Variants in ERCC3 observed in about 807,000 individuals in gnomAD.
The protein encoded by ERCC3 is ERCC excision repair 3, TFIIH core complex helicase subunit.
A neutral mutation model predicts 94.2 loss-of-function variants in ERCC3; 66 were observed. The ratio of observed to expected loss-of-function variants is 0.70; its 90% CI spans 0.57 to 0.86. ERCC3 has a LOEUF of 0.86. ERCC3 is among the 40% of genes least tolerant of loss of function. The pLI, the probability that ERCC3 is intolerant of heterozygous loss-of-function variation, is 0.00. For missense variants in ERCC3, 829 were observed against 987.1 expected (o/e 0.84, Z 2.15); for synonymous variants, 349 against 369.1 (o/e 0.95, Z 0.63).
Position 127,259,112 on chromosome 2 carries a change from A to G in ERCC3, c.2217+184T>C, listed in dbSNP as rs1175505863. On this transcript the variant is annotated intron_variant, in intron 14 of 14. Coordinates refer to ENST00000285398, the MANE Select transcript of ERCC3 (RefSeq NM_000122.2). This position sits in a 1 kb window ranked among gnomAD's most constrained non-coding sequence, Gnocchi z 4.9. The stretch of plus-strand genomic sequence containing the variant: ...CACTGTGAGCTCAGCTGTGTGCAAC[A>G]GTACAAGGGGCACACACCAAAAGGG... 6.6e-6 allele frequency among the ~76,000 whole-genome samples: 1 copy of G among 152,224 alleles called. No individual in the cohort carries two copies. Among genetic ancestry groups the G allele is most frequent in the Non-Finnish European group, 1.5e-5 (1 of 68,030 alleles).
chr2:127,274,955 T>C lies in ERCC3; in HGVS notation c.1731-1994A>G, dbSNP rs1684687815. ...GGACCCAGTACACATTGGGTGGCAG[T>C]AGCTCCATGTGACCGAAGTACAAAA... On this transcript the variant is annotated intron_variant, in intron 10 of 14. Transcript: ENST00000285398. This position sits in a 1 kb window ranked among gnomAD's most constrained non-coding sequence, Gnocchi z 4.0. Among the ~76,000 whole-genome samples the C allele has an allele frequency of 6.6e-6, 1 of 152,178 alleles. No individual in the cohort carries two copies. The highest frequency in any genetic ancestry group is 2.1e-4 in the South Asian group (1 of 4,826).
rs1684656767 is a variant in ERCC3, at chr2:127,274,109, T to C, written c.1731-1148A>G. 6.7e-6 allele frequency among the ~76,000 whole-genome samples: 1 copy of C among 149,406 alleles called. No individual in the cohort carries two copies. Among genetic ancestry groups the C allele is most frequent in the Non-Finnish European group, 1.5e-5 (1 of 67,616 alleles). On this transcript the variant is annotated intron_variant, in intron 10 of 14. Coordinates refer to ENST00000285398, the MANE Select transcript of ERCC3 (RefSeq NM_000122.2). The surrounding 1 kb of genome is among the most constrained non-coding windows in gnomAD (Gnocchi z 4.0). ...TGGGTGGATCACCTGAGGCCAGGAG[T>C]TCGAGACCAGCCTGGCCAACATGGT...
intron 3 of ERCC3, 33 bp from the exon 4 acceptor site, chr2:127,290,306 G>A: frequency 1.3e-6 from 2 of 1,564,214 alleles, no homozygotes; most frequent in Non-Finnish European, 1.8e-6. Context: ...ACAGGTAAAT[G>A]TGCAGCTAAC....
Position 127,289,399 on chromosome 2 carries a change from G to A in ERCC3, c.760C>T (p.Gln254Ter), listed in dbSNP as rs755764533. Residue 254 changes from glutamine (Q) to a stop codon, truncating the protein, a stop_gained, in exon 6 of 15, where the codon CAA (glutamine) becomes TAA (stop). Coordinates refer to ENST00000285398, the MANE Select transcript of ERCC3 (RefSeq NM_000122.2). LOFTEE classifies it high-confidence loss of function. The stretch of plus-strand genomic sequence containing the variant: ...TCTTCTTCTTCATCCTTGTCCATTT[G>A]CTCATAGAAGTCAAACAGGTCCATG... ...IPMDLFDFYE[Q>*]MDKDEEEEEE... The A allele has an allele frequency of 2.7e-5, 44 of 1,613,390 alleles. No homozygotes were observed. Among genetic ancestry groups the A allele is most frequent in the Non-Finnish European group, 3.6e-5 (43 of 1,179,980 alleles).
Position 127,259,047 on chromosome 2 carries a change from AC to A in ERCC3, c.2217+248del, listed in dbSNP as rs1684106852. Among the ~76,000 whole-genome samples the A allele has an allele frequency of 6.6e-6, 1 of 152,104 alleles. No individual in the cohort carries two copies. The highest frequency in any genetic ancestry group is 1.5e-5 in the Non-Finnish European group (1 of 68,026). The stretch of plus-strand genomic sequence containing the variant: ...TCCTGGGCTTCAACATCAAGATTTA[AC>A]AAATACTCGTGTGAGCAAAGCAGGA... On this transcript the variant is annotated intron_variant, in intron 14 of 14. Transcript: ENST00000285398. This position sits in a 1 kb window ranked among gnomAD's most constrained non-coding sequence, Gnocchi z 4.9.
intron 12 of ERCC3, among the ~76,000 whole-genome samples, chr2:127,263,976 C>T (rs1405710834): frequency 6.6e-6 from 1 of 152,092 alleles, no homozygotes; most frequent in Admixed American, 6.6e-5. Flanking sequence ...TCCCAAAGTG[C>T]TCGGATTACA....
intron 12 of ERCC3, among the ~76,000 whole-genome samples, chr2:127,269,036 C>A (rs1052958815): frequency 6.6e-6 from 1 of 152,090 alleles, no homozygotes; most frequent in Non-Finnish European, 1.5e-5. Context: ...CATGAATATG[C>A]CGCACAAAGC....
chr2:127,267,243 C>T (rs1303521119), intron 12 of ERCC3, among the ~76,000 whole-genome samples: 2 of 152,166 alleles, frequency 1.3e-5, no homozygotes, highest in African/African-American at 4.8e-5. Flanking sequence ...CTTTTCCTAG[C>T]TCTAAAAGTA....
chr2:127,287,124 A>C, intron 7 of ERCC3, 107 bp from the exon 8 acceptor site: 1 of 836,904 alleles, frequency 1.2e-6, no homozygotes, highest in Non-Finnish European at 1.9e-6. Context: ...GTCTTGTAAC[A>C]GTCCACATAG....
intron 4 of ERCC3, 96 bp downstream of exon 4, chr2:127,290,128 C>A: frequency 4.9e-6 from 5 of 1,020,584 alleles, no homozygotes; most frequent in Non-Finnish European, 7.8e-6. Flanking sequence ...ACAGAAAAGA[C>A]AGCATAAACA....
At chr2:127,263,051 G>A (rs996823221) in intron 12 of ERCC3, among the ~76,000 whole-genome samples, 1 of 152,186 alleles carries the variant, frequency 6.6e-6, no homozygotes, top group Non-Finnish European at 1.5e-5. Context: ...TGCTGTTTTG[G>A]TTACTGTAAG....
intron 2 of ERCC3, 129 bp downstream of exon 2, chr2:127,293,384 G>A: frequency 3.4e-6 from 3 of 877,774 alleles, no homozygotes; most frequent in Non-Finnish European, 3.6e-6. Context: ...AACGTGTGTG[G>A]ATGAAAATTC....
At chr2:127,278,238 C>CA (rs11339591) in intron 10 of ERCC3, among the ~76,000 whole-genome samples, 2,372 of 135,436 alleles carry the variant, frequency 0.018, 67 homozygotes, top group African/African-American at 0.061. Flanking sequence ...ACCCTAACTC[C>CA]AAAAAAAAAA....
Position 127,287,003 on chromosome 2 carries a change from G to C in ERCC3, c.1042C>G (p.Leu348Val). 1.9e-6 allele frequency: 3 copies of C among 1,612,516 alleles called. No homozygotes were observed. The highest frequency in any genetic ancestry group is 2.5e-6 in the Non-Finnish European group (3 of 1,179,958). The change falls in exon 8 of 15, where the codon CTG (leucine) becomes GTG (valine). Residue 348 changes from leucine to valine, a missense_variant. Physicochemically the swap from Leu to Val is conservative, Grantham distance 32. Transcript: ENST00000285398. ...GTGCATGCAGCAGTCACACCAACCAGGGACTTTCCAGCACCTACAAGAAAC... is the reference window on the plus strand; with the variant it reads ...GTGCATGCAGCAGTCACACCAACCACGGACTTTCCAGCACCTACAAGAAAC... ...IVLPCGAGKSLVGVTAACTVR... is the reference protein window; with the variant it reads ...IVLPCGAGKSVVGVTAACTVR...
chr2:127,291,456 T>C lies in ERCC3; in HGVS notation c.471+1154A>G, dbSNP rs1053178113. On this transcript the variant is annotated intron_variant, in intron 3 of 14. Transcript: ENST00000285398. This position sits in a 1 kb window ranked among gnomAD's most constrained non-coding sequence, Gnocchi z 4.9. Reference sequence around the variant, plus strand: ...TGTATTTTTAGTAGAGACAGGAATTTCGCCATGTTGGCCAGGCTGGTCTTG... The same window carrying C: ...TGTATTTTTAGTAGAGACAGGAATTCCGCCATGTTGGCCAGGCTGGTCTTG... Among the ~76,000 whole-genome samples, 1 of 152,172 alleles carries C rather than the reference T, an allele frequency of 6.6e-6. No homozygotes were observed. Among genetic ancestry groups the C allele is most frequent in the Non-Finnish European group, 1.5e-5 (1 of 68,034 alleles).
intron 12 of ERCC3, among the ~76,000 whole-genome samples, chr2:127,268,528 G>A (rs1684452063): frequency 6.6e-6 from 1 of 152,156 alleles, no homozygotes; most frequent in Admixed American, 6.5e-5. Flanking sequence ...CTCCCAAAGT[G>A]CTGGGATTAC....
In ERCC3 at chr2:127,280,344, C is replaced by G. The variant is rs1248717779; in HGVS notation, c.1527+103G>C. ...CCTGTATGAAGTGGTAGCAGGTGAG[C>G]CTAAGTCCTGACCTGTGTCTGCCCA... On this transcript the variant is annotated intron_variant, in intron 9 of 14. Transcript: ENST00000285398. This position sits in a 1 kb window ranked among gnomAD's most constrained non-coding sequence, Gnocchi z 6.3. 9.2e-7 allele frequency: 1 copy of G among 1,088,704 alleles called. No homozygotes were observed. Among genetic ancestry groups the G allele is most frequent in the African/African-American group, 1.6e-5 (1 of 64,196 alleles). The allele number at this position is 1,088,704 out of a possible 1,614,324, so 67.4% of individuals were successfully genotyped here. A position where few individuals can be genotyped will look rare whatever the true frequency, so the allele number is the denominator to read the frequency against.
chr2:127,290,150 C>G, intron 4 of ERCC3, 74 bp downstream of exon 4: 1 of 1,174,830 alleles, frequency 8.5e-7, no homozygotes, highest in Non-Finnish European at 1.3e-6. Context: ...CAGGTCCTTC[C>G]CATATCCCTT....
chr2:127,257,298 A>G lies in ERCC3; in HGVS notation c.*298T>C. 1 of 464,192 alleles carries G rather than the reference A, an allele frequency of 2.2e-6. No individual in the cohort carries two copies. Among genetic ancestry groups the G allele is most frequent in the Admixed American group, 3.4e-5 (1 of 29,338 alleles). 28.8% of individuals were successfully genotyped at this position (464,192 alleles called of 1,614,324 possible). A position where few individuals can be genotyped will look rare whatever the true frequency, so the allele number is the denominator to read the frequency against. On this transcript the variant is annotated 3_prime_UTR_variant, in exon 15 of 15. Coordinates refer to ENST00000285398, the MANE Select transcript of ERCC3 (RefSeq NM_000122.2). This position sits in a 1 kb window ranked among gnomAD's most constrained non-coding sequence, Gnocchi z 5.4. ...ACACTTGTACAATGAAGACTGGTTC[A>G]ATGGTCCATTCTGTTTATTCAGAAC...
Sources: gnomAD v4.1 joint callset for allele counts (sites outside exome capture counted in the v4.1 genomes callset) on GRCh38, gnomAD v4.1.1 for gene constraint, Gnocchi (gnomAD v3.1) non-coding constraint, MANE v1.5 for transcripts, NCBI Gene and HGNC (gene_info 2026-07-23, HGNC 2026-07-21) for gene names.